Variants in CROCC observed in about 807,000 individuals in gnomAD.
CROCC encodes the protein rootletin.
CROCC carries 180 observed loss-of-function variants against 245.2 expected under a neutral mutation model. That is an observed-to-expected ratio of 0.73 (90% CI 0.65 to 0.83). The LOEUF (loss-of-function observed/expected upper bound fraction) is 0.83, where lower values mean the gene tolerates loss of function less well. CROCC is among the 40% of genes least tolerant of loss of function. The pLI is 0.00. For missense variants in CROCC, 2,688 were observed against 2,779.4 expected (o/e 0.97, Z 0.74); for synonymous variants, 1,205 against 1,241.6 (o/e 0.97, Z 0.62).
chr1:16,949,728 C>T (rs11585710), intron 19 of CROCC, among the ~76,000 whole-genome samples: 33,738 of 152,114 alleles, frequency 0.22, 4,215 homozygotes, highest in African/African-American at 0.33. Context: ...CTTAGCTGGG[C>T]GCTTGACCCA....
At chr1:16,955,027 C>A (rs754932098) in intron 23 of CROCC, 150 bp downstream of exon 23, 10 of 1,104,730 alleles carry the variant, frequency 9.1e-6, no homozygotes, top group Non-Finnish European at 1.3e-5. Context: ...GCAGCAAGCA[C>A]TACGAAGCAC....
Position 16,966,004 on chromosome 1 carries a change from A to T in CROCC, c.4581A>T (p.Glu1527Asp). 6.2e-7 allele frequency: 1 copy of T among 1,612,508 alleles called. No homozygotes were observed. The highest frequency in any genetic ancestry group is 8.5e-7 in the Non-Finnish European group (1 of 1,178,784). ...CCCCCATGTCGGGGCTACAGGACGA[A>T]CTTCGGACCCAGACCAGTGCCCTGA... ...ELRSAQRERD[E>D]LRTQTSALNR... Residue 1527 changes from glutamate (E) to aspartate (D), a missense_variant, in exon 29 of 37, where the codon GAA (glutamate) becomes GAT (aspartate). Physicochemically the swap from Glu to Asp is conservative, Grantham distance 45. Coordinates refer to ENST00000375541, the MANE Select transcript of CROCC (RefSeq NM_014675.5). This position sits in a 1 kb window ranked among gnomAD's most constrained non-coding sequence, Gnocchi z 4.8.
intron 15 of CROCC, 117 bp from the exon 16 acceptor site, chr1:16,946,142 C>G: frequency 8.3e-7 from 1 of 1,200,678 alleles, no homozygotes; most frequent in Non-Finnish European, 1.2e-6. Context: ...ACTGTGTCCC[C>G]TCCTTGTCTC....
At position 16,938,930 on chromosome 1, in the gene CROCC, A is replaced by T. The variant is rs1186716378; in HGVS notation, c.1396A>T (p.Ser466Cys). 3 of 1,601,064 alleles carry T rather than the reference A, an allele frequency of 1.9e-6. No homozygotes were observed. The highest frequency in any genetic ancestry group is 2.5e-6 in the Non-Finnish European group (3 of 1,176,524). Residue 466 changes from serine to cysteine, a missense_variant, in exon 12 of 37, where the codon AGC (serine) becomes TGC (cysteine). Physicochemically the swap from Ser to Cys is moderately radical, Grantham distance 112 (BLOSUM62 -1). Transcript: ENST00000375541. ...LAQAVLSDSE[S>C]GVQLSGSERT... ...TCAGGCCGTCTTGTCAGACTCTGAG[A>T]GCGGCGTCCAGCTGAGCGGCTCTGA...
intron 17 of CROCC, 43 bp from the exon 18 acceptor site, chr1:16,948,288 G>A: frequency 6.7e-7 from 1 of 1,501,324 alleles, no homozygotes; most frequent in South Asian, 1.3e-5. Context: ...TGAACAAGCT[G>A]GGGGACGCTG....
In CROCC at chr1:16,938,408, G is replaced by A; in HGVS notation, c.1299G>A (p.Leu433=). 6.4e-7 allele frequency: 1 copy of A among 1,566,616 alleles called. No homozygotes were observed. The highest frequency in any genetic ancestry group is 1.2e-5 in the South Asian group (1 of 84,956). Residue 433 remains leucine (L), a synonymous_variant, in exon 11 of 37, where the codon CTG becomes CTA. Coordinates refer to ENST00000375541, the MANE Select transcript of CROCC (RefSeq NM_014675.5). ...LTEKLEALES[L]RLQEQAALET... ...CCCTAACCGCACTCCAGGAATCCCT[G>A]CGGCTACAGGAGCAGGCGGCCCTGG...
rs1428531556 is a variant in CROCC at position 16,926,231 on chromosome 1, G to A, written c.351+1752G>A. Among the ~76,000 whole-genome samples, 3 of 152,270 alleles carry A rather than the reference G, an allele frequency of 2.0e-5. No individual in the cohort carries two copies. In the East Asian group the frequency reaches 5.8e-4, roughly 29 times the overall value. ...CCACCTGGAGGCAGGGGTGGAACAGGAATGACCTCAAAGGCCTTTCCTGGA... is the reference window on the plus strand; with the variant it reads ...CCACCTGGAGGCAGGGGTGGAACAGAAATGACCTCAAAGGCCTTTCCTGGA... On this transcript the variant is annotated intron_variant, in intron 3 of 36. Transcript: ENST00000375541.
chr1:16,956,289 AC>A, intron 25 of CROCC, 133 bp downstream of exon 25: 1 of 937,704 alleles, frequency 1.1e-6, no homozygotes, highest in Non-Finnish European at 1.6e-6. Context: ...CTCTCACCTA[AC>A]CTTGGTGTGA....
rs763931467 is a variant in CROCC, at chr1:16,936,668, C to A, written c.988C>A (p.Arg330=). Reference sequence around the variant, plus strand: ...GCTGCAGCTGGGAGGGGAGCTGGCCCGGACATCACGAGCTGTCCAGGAGGC... The same window carrying A: ...GCTGCAGCTGGGAGGGGAGCTGGCCAGGACATCACGAGCTGTCCAGGAGGC... ...DLLQLGGELA[R]TSRAVQEAGL... Residue 330 remains arginine (R), a synonymous_variant, in exon 9 of 37, where the codon CGG becomes AGG. Coordinates refer to ENST00000375541, the MANE Select transcript of CROCC (RefSeq NM_014675.5). The A allele has an allele frequency of 2.5e-6, 4 of 1,596,468 alleles. No homozygotes were observed. In the Admixed American group the frequency reaches 5.2e-5, roughly 21 times the overall value.
intron 25 of CROCC, among the ~76,000 whole-genome samples, chr1:16,957,059 C>T (rs1013745802): frequency 6.3e-4 from 96 of 152,298 alleles, no homozygotes; most frequent in African/African-American, 2.2e-3. Context: ...ATTGCTTGAG[C>T]CCAGGAGTTC....
Position 16,972,588 on chromosome 1 carries a change from A to C in CROCC, c.*142A>C. On this transcript the variant is annotated 3_prime_UTR_variant, in exon 37 of 37. Coordinates refer to ENST00000375541, the MANE Select transcript of CROCC (RefSeq NM_014675.5). ...AGGAGGCGCTCTGCTGGCAGTGCTG[A>C]GGACGGGTACTCCAGCTCCAGGCCT... 3.4e-6 allele frequency: 2 copies of C among 580,546 alleles called. No individual in the cohort carries two copies. Among genetic ancestry groups the C allele is most frequent in the Non-Finnish European group, 6.1e-6 (2 of 328,998 alleles). The allele number at this position is 580,546 out of a possible 1,614,324, so 36.0% of individuals were successfully genotyped here. A position where few individuals can be genotyped will look rare whatever the true frequency, so the allele number is the denominator to read the frequency against.
At chr1:16,930,626 A>T (rs1420708327) in intron 7 of CROCC, 32 bp downstream of exon 7, 2 of 1,584,960 alleles carry the variant, frequency 1.3e-6, no homozygotes, top group Non-Finnish European at 1.7e-6. Context: ...GGCCAGCCTG[A>T]CCCAAGAGGA....
intron 27 of CROCC, among the ~76,000 whole-genome samples, chr1:16,964,125 T>C (rs2076380071): frequency 6.7e-6 from 1 of 148,192 alleles, no homozygotes; most frequent in African/African-American, 2.5e-5. Context: ...TCTTTTCTTT[T>C]CTTTTTTCTT....
intron 15 of CROCC, among the ~76,000 whole-genome samples, chr1:16,945,877 C>A (rs1269249592): frequency 6.6e-6 from 1 of 152,292 alleles, no homozygotes; most frequent in Non-Finnish European, 1.5e-5. Flanking sequence ...TCAGGGTCAT[C>A]CAGTGCCTGA....
At chr1:16,956,584 C>G (rs1160352919) in intron 25 of CROCC, among the ~76,000 whole-genome samples, 2 of 152,102 alleles carry the variant, frequency 1.3e-5, no homozygotes, top group African/African-American at 4.8e-5. Context: ...AGAAAGCAGT[C>G]CCAAACAGTG....
chr1:16,920,110 T>TA (rs2075372401), upstream of CROCC, among the ~76,000 whole-genome samples: 2 of 151,606 alleles, frequency 1.3e-5, no homozygotes, highest in Admixed American at 1.3e-4. Flanking sequence ...GACGGAGTCT[T>TA]ACTGTGTCGC....
At chr1:16,972,053 G>T (rs113625808) in intron 36 of CROCC, among the ~76,000 whole-genome samples, 15 of 152,352 alleles carry the variant, frequency 9.8e-5, no homozygotes, top group South Asian at 2.1e-4. Context: ...GCCGGGCAAG[G>T]CTTCTCTGCT....
Position 16,970,272 on chromosome 1 carries a change from AG to A in CROCC, c.5474del (p.Gly1825ValfsTer6). 7 of 1,559,844 alleles carry A rather than the reference AG, an allele frequency of 4.5e-6. No homozygotes were observed. Among genetic ancestry groups the A allele is most frequent in the Non-Finnish European group, 6.1e-6 (7 of 1,149,610 alleles). ...TTGCAGGTGCTGCGGCAGCGGCAGG[AG>A]GGTGAGGCTGCAGCCCTGAACACCG... Reference protein sequence around the residue: ...QLREVLRQRQEGEAAALNTVQ... With the variant: ...QLREVLRQRQXGEAAALNTVQ... On this transcript the variant is annotated frameshift_variant, in exon 34 of 37. Transcript: ENST00000375541. LOFTEE classifies it high-confidence loss of function.
rs1397452341 is a variant in CROCC at position 16,954,869 on chromosome 1, C to A, written c.3457C>A (p.Leu1153Ile). Residue 1153 changes from leucine (L) to isoleucine (I), a missense_variant, in exon 23 of 37, where the codon CTT (leucine) becomes ATT (isoleucine). By Grantham distance (5) the Leu-to-Ile change is conservative. Transcript: ENST00000375541. This position sits in a 1 kb window ranked among gnomAD's most constrained non-coding sequence, Gnocchi z 4.4. The part of the protein sequence containing the change: ...RDLGKQRDSC[L>I]REAEELRTQL... ...CCTGGGCAAGCAGCGGGACTCCTGT[C>A]TTCGCGAGGTGAGCAGCCGCCCCCC... 2.6e-6 allele frequency: 4 copies of A among 1,529,776 alleles called. No homozygotes were observed. In the East Asian group the frequency reaches 9.9e-5, roughly 38 times the overall value. The allele number at this position is 1,529,776 out of a possible 1,614,324, so 94.8% of individuals were successfully genotyped here.
Sources: allele counts gnomAD v4.1 joint callset (sites outside exome capture counted in the v4.1 genomes callset), GRCh38; gene constraint gnomAD v4.1.1; non-coding constraint Gnocchi (gnomAD v3.1); transcripts MANE v1.5; gene names NCBI Gene and HGNC (gene_info 2026-07-23, HGNC 2026-07-21).